Variants in NCKAP5 observed in about 807,000 individuals in gnomAD.
The protein encoded by NCKAP5 is NCK associated protein 5.
Under a neutral mutation model 167.0 loss-of-function variants are expected in NCKAP5, and 92 were observed. The ratio of observed to expected loss-of-function variants is 0.55; its 90% CI spans 0.47 to 0.66. The LOEUF is 0.66. Ranked by LOEUF, NCKAP5 falls within the 30% of genes least tolerant of loss-of-function variation. The pLI is 0.00. For synonymous variants in NCKAP5, 891 were observed against 877.4 expected (o/e 1.02, Z -0.27); for missense variants, 2,378 against 2,315.0 (o/e 1.03, Z -0.56).
At chr2:133,124,013 C>A (rs777759783) in intron 6 of NCKAP5, among the ~76,000 whole-genome samples, 6 of 152,136 alleles carry the variant, frequency 3.9e-5, no homozygotes, top group African/African-American at 1.4e-4. Context: ...ACGAGTTAAG[C>A]GGTAAAACCA....
intron 3 of NCKAP5, among the ~76,000 whole-genome samples, chr2:133,474,160 A>G (rs1288764015): frequency 8.0e-6 from 1 of 125,706 alleles, no homozygotes; most frequent in African/African-American, 3.0e-5. Flanking sequence ...ATCTATACAC[A>G]CACACACACA....
chr2:133,133,409 T>C (rs964846378), intron 5 of NCKAP5, among the ~76,000 whole-genome samples: 2 of 152,232 alleles, frequency 1.3e-5, no homozygotes, highest in Non-Finnish European at 2.9e-5. Context: ...AGATGCTCCA[T>C]GTTCGTCACC....
At position 133,512,876 on chromosome 2, in the gene NCKAP5, C is replaced by T. The variant is rs536218592; in HGVS notation, c.69+4582G>A. On this transcript the variant is annotated intron_variant, in intron 3 of 19. Coordinates refer to ENST00000409261, the MANE Select transcript of NCKAP5 (RefSeq NM_207363.3). ...GGCCCCTCCATGTAGTTGCACAGCT[C>T]CAACTACCGCTTCCCCATGGCCCCT... is the stretch of plus-strand genomic sequence containing the variant. Among the ~76,000 whole-genome samples the T allele has an allele frequency of 6.8e-4, 103 of 152,174 alleles. 3 individuals are homozygous for T. The highest frequency in any genetic ancestry group is 1.5e-4 in the Non-Finnish European group (10 of 68,002).
intron 9 of NCKAP5, among the ~76,000 whole-genome samples, chr2:132,874,957 T>C (rs1157211234): frequency 1.3e-5 from 2 of 152,280 alleles, no homozygotes; most frequent in East Asian, 1.9e-4. Flanking sequence ...TCAGACATTG[T>C]TGTGGAATCA....
Position 133,226,488 on chromosome 2 carries a change from A to G in NCKAP5, c.144-12709T>C, listed in dbSNP as rs114473219. Among the ~76,000 whole-genome samples the G allele has an allele frequency of 6.8e-3, 1,034 of 152,164 alleles. 5 individuals carry two copies. Among genetic ancestry groups the G allele is most frequent in the Non-Finnish European group, 0.012 (785 of 68,002 alleles). The stretch of plus-strand genomic sequence containing the variant: ...GAAGTCCTAACCCCCAGTACTACAG[A>G]TGTGGCTTTAGAGATAGGGGCCTTT... On this transcript the variant is annotated intron_variant, in intron 4 of 19. Transcript: ENST00000409261.
Position 133,130,053 on chromosome 2 carries a change from T to C in NCKAP5, c.266A>G (p.Lys89Arg). 1 of 1,612,064 alleles carries C rather than the reference T, an allele frequency of 6.2e-7. No individual in the cohort carries two copies. Among genetic ancestry groups the C allele is most frequent in the Non-Finnish European group, 8.5e-7 (1 of 1,179,204 alleles). ...CTCTAGGGTCACCTCCTGCAACCGCTTCTCGCTTTGAAGACGTAAGTGTCT... is the reference window on the plus strand; with the variant it reads ...CTCTAGGGTCACCTCCTGCAACCGCCTCTCGCTTTGAAGACGTAAGTGTCT... Reference protein sequence around the residue: ...EERHLRLQSEKRLQEVTLESE... With the variant: ...EERHLRLQSERRLQEVTLESE... The change falls in exon 6 of 20, where the codon AAG becomes AGG. Residue 89 changes from lysine to arginine, a missense_variant. Lys to Arg is a conservative substitution (Grantham distance 26). Coordinates refer to ENST00000409261, the MANE Select transcript of NCKAP5 (RefSeq NM_207363.3).
At chr2:132,755,505 CT>C (rs1377675967) in intron 16 of NCKAP5, among the ~76,000 whole-genome samples, 1 of 152,118 alleles carries the variant, frequency 6.6e-6, no homozygotes, top group East Asian at 1.9e-4. Flanking sequence ...AAGATTATAT[CT>C]AGCTACTTTT....
Position 132,785,050 on chromosome 2 carries a change from C to T in NCKAP5, c.1761G>A (p.Thr587=), listed in dbSNP as rs61997219. Residue 587 remains threonine (T), a synonymous_variant, in exon 14 of 20, where the codon ACG becomes ACA. Coordinates refer to ENST00000409261, the MANE Select transcript of NCKAP5 (RefSeq NM_207363.3). ...LQLSDTDDNE[T]FDELHIESSD... ...TGCTCTCTATGTGCAGCTCATCAAA[C>T]GTTTCATTGTCATCAGTGTCTGAAA... The T allele has an allele frequency of 2.0e-5, 33 of 1,613,934 alleles. No homozygotes were observed. The highest frequency in any genetic ancestry group is 2.5e-5 in the Non-Finnish European group (29 of 1,179,904).
At chr2:133,561,743 G>T (rs889358149) in intron 1 of NCKAP5, among the ~76,000 whole-genome samples, 1 of 152,142 alleles carries the variant, frequency 6.6e-6, no homozygotes, top group Non-Finnish European at 1.5e-5. Context: ...GACAAAAAAA[G>T]AACATGGTGA....
At chr2:133,038,327 T>C (rs1393282278) in intron 6 of NCKAP5, among the ~76,000 whole-genome samples, 1 of 152,172 alleles carries the variant, frequency 6.6e-6, no homozygotes, top group Non-Finnish European at 1.5e-5. Context: ...ACAACGTGTA[T>C]GGAACTGGAG....
chr2:132,878,537 G>A (rs1287773594), intron 9 of NCKAP5, among the ~76,000 whole-genome samples: 2 of 151,842 alleles, frequency 1.3e-5, no homozygotes, highest in South Asian at 2.1e-4. Context: ...GTAAACTGTG[G>A]CCCAAGAATA....
intron 6 of NCKAP5, 77 bp downstream of exon 6, chr2:133,129,901 G>A (rs2082538020): frequency 7.0e-7 from 1 of 1,427,998 alleles, no homozygotes; most frequent in South Asian, 1.5e-5. Context: ...CTTACTCAAT[G>A]GACATTCAAT....
At chr2:133,273,813 G>T (rs979509416) in intron 4 of NCKAP5, among the ~76,000 whole-genome samples, 3 of 150,968 alleles carry the variant, frequency 2.0e-5, no homozygotes, top group Non-Finnish European at 4.4e-5. Flanking sequence ...AAAATTTGGG[G>T]GAAGATAAAA....
chr2:132,842,557 T>C (rs1273238575), intron 11 of NCKAP5, among the ~76,000 whole-genome samples: 1 of 152,070 alleles, frequency 6.6e-6, no homozygotes, highest in African/African-American at 2.4e-5. Context: ...TTTTCTTTTT[T>C]TTAAATCCTT....
chr2:132,924,036 G>C (rs1011693162), intron 8 of NCKAP5, among the ~76,000 whole-genome samples: 3 of 152,158 alleles, frequency 2.0e-5, no homozygotes, highest in African/African-American at 7.2e-5. Context: ...GTGGGTAAAA[G>C]ATGCTTGCTG....
chr2:133,190,717 T>C (rs186315405), intron 5 of NCKAP5, among the ~76,000 whole-genome samples: 66 of 152,264 alleles, frequency 4.3e-4, no homozygotes, highest in African/African-American at 1.5e-3. Context: ...TGGCTAGCCA[T>C]ATGGAGAAAG....
chr2:133,128,499 G>A (rs71413534), intron 6 of NCKAP5, among the ~76,000 whole-genome samples: 17,608 of 152,088 alleles, frequency 0.12, 1,263 homozygotes, highest in East Asian at 0.38. Context: ...ATTGGAAACT[G>A]AAAGATTCCA....
At chr2:133,269,119 C>T (rs2089391771) in intron 4 of NCKAP5, 1 of 152,046 alleles carries the variant, frequency 6.6e-6, no homozygotes, top group African/African-American at 2.4e-5. Context: ...ATTGACAGGC[C>T]CACCTCCAAT....
chr2:133,377,497 T>G (rs2150935305), intron 3 of NCKAP5, among the ~76,000 whole-genome samples: 1 of 152,170 alleles, frequency 6.6e-6, no homozygotes, highest in South Asian at 2.1e-4. Context: ...CCATTACCAT[T>G]CCTCAAACTG....
Sources: allele counts gnomAD v4.1 joint callset (sites outside exome capture counted in the v4.1 genomes callset), GRCh38; gene constraint gnomAD v4.1.1; transcripts MANE v1.5; gene names NCBI Gene and HGNC (gene_info 2026-07-23, HGNC 2026-07-21).